TESK2: variants seen among roughly 807,000 people sequenced by gnomAD.
The protein encoded by TESK2 is dual specificity testis-specific protein kinase 2.
Under a neutral mutation model 57.1 loss-of-function variants are expected in TESK2, and 39 were observed. The observed-to-expected ratio is 0.68, with a 90% CI of 0.53 to 0.89. TESK2 has a LOEUF of 0.89. TESK2 is among the 40% of genes least tolerant of loss of function. The probability of loss-of-function intolerance (pLI) is 0.00; values close to 1 mark genes in which losing one functional copy is unlikely to be tolerated. For missense variants in TESK2, 646 were observed against 732.1 expected, an observed-to-expected ratio of 0.88 and a Z score of 1.36; for synonymous variants, 249 against 267.9, an observed-to-expected ratio of 0.93 and a Z score of 0.69.
At chr1:45,355,705 G>A (rs980640410) in intron 4 of TESK2, among the ~76,000 whole-genome samples, 1 of 152,154 alleles carries the variant, frequency 6.6e-6, no homozygotes, top group Non-Finnish European at 1.5e-5. Flanking sequence ...GTGCAGGTAG[G>A]ACAACACCAT....
chr1:45,413,593 C>G (rs1557563299), intron 3 of TESK2, among the ~76,000 whole-genome samples: 1 of 151,988 alleles, frequency 6.6e-6, no homozygotes, highest in Non-Finnish European at 1.5e-5. Context: ...TTCTTTCTTT[C>G]TTTCCTTCAT....
chr1:45,389,573 G>C (rs539658622), intron 3 of TESK2, among the ~76,000 whole-genome samples: 9 of 152,150 alleles, frequency 5.9e-5, no homozygotes, highest in Non-Finnish European at 8.8e-5. Context: ...CTCCATAACT[G>C]TAAGAAATAG....
At chr1:45,381,238 A>C (rs896690077) in intron 4 of TESK2, among the ~76,000 whole-genome samples, 1 of 152,204 alleles carries the variant, frequency 6.6e-6, no homozygotes, top group Non-Finnish European at 1.5e-5. Context: ...TGATCTGCTG[A>C]CTGGGATATT....
intron 2 of TESK2, among the ~76,000 whole-genome samples, chr1:45,443,568 CAAAAAAAA>C (rs34128016): frequency 3.2e-3 from 102 of 32,042 alleles, no homozygotes; most frequent in African/African-American, 5.2e-3. Context: ...AGATCCATCG[CAAAAAAAA>C]AAAAAAAAAA....
At chr1:45,402,718 G>T (rs2492836) in intron 3 of TESK2, among the ~76,000 whole-genome samples, 98,600 of 151,700 alleles carry the variant, frequency 0.65, 33,717 homozygotes, top group Non-Finnish European at 0.76. Flanking sequence ...CCGACTTCAG[G>T]TGATCCGCCC....
chr1:45,392,911 T>C (rs923448625), intron 3 of TESK2, among the ~76,000 whole-genome samples: 1 of 152,156 alleles, frequency 6.6e-6, no homozygotes, highest in Non-Finnish European at 1.5e-5. Flanking sequence ...AAATGTTTCG[T>C]ACACAAGTTG....
chr1:45,434,518 T>C (rs1691217), intron 2 of TESK2, among the ~76,000 whole-genome samples: 32,086 of 151,296 alleles, frequency 0.21, 3,665 homozygotes, highest in Non-Finnish European at 0.26. Flanking sequence ...CCATTCTAAA[T>C]GAGATAAGAT....
chr1:45,472,867 G>C (rs1301235312), intron 1 of TESK2, among the ~76,000 whole-genome samples: 4 of 151,910 alleles, frequency 2.6e-5, no homozygotes, highest in Non-Finnish European at 5.9e-5. Flanking sequence ...GCCGGGCGCG[G>C]TGGCTTACGC....
At chr1:45,475,367 T>C (rs1223130351) in intron 1 of TESK2, among the ~76,000 whole-genome samples, 1 of 151,922 alleles carries the variant, frequency 6.6e-6, no homozygotes, top group Non-Finnish European at 1.5e-5. Context: ...CCACCACGCC[T>C]GGCTAATTTT....
intron 3 of TESK2, among the ~76,000 whole-genome samples, chr1:45,416,500 C>G (rs1339361417): frequency 6.6e-6 from 1 of 152,024 alleles, no homozygotes; most frequent in African/African-American, 2.4e-5. Flanking sequence ...TAAATGTATA[C>G]AGTGTAGAAT....
In TESK2 at chr1:45,365,996, AC is replaced by A. The variant is rs980180339; in HGVS notation, c.394-10548del. Among the ~76,000 whole-genome samples, 44 of 152,008 alleles carry A rather than the reference AC, an allele frequency of 2.9e-4. 1 individual carries two copies. The highest frequency in any genetic ancestry group is 9.9e-4 in the African/African-American group (41 of 41,466). On this transcript the variant is annotated intron_variant, in intron 4 of 10. Transcript: ENST00000372086. Reference sequence around the variant, plus strand: ...GCCTAATTTTGTATTTTTAGTAGAGACGGGGTTTCACCATGTTGGCCAGGCT... The same window carrying A: ...GCCTAATTTTGTATTTTTAGTAGAGAGGGGTTTCACCATGTTGGCCAGGCT...
Position 45,355,289 on chromosome 1 carries a change from T to C in TESK2, c.540+14A>G, listed in dbSNP as rs1204054155. 4 of 1,613,148 alleles carry C rather than the reference T, an allele frequency of 2.5e-6. No homozygotes were observed. Among genetic ancestry groups the C allele is most frequent in the Admixed American group, 1.7e-5 (1 of 59,820 alleles). On this transcript the variant is annotated intron_variant, in intron 5 of 10. Transcript: ENST00000372086. ...GGTATCTCTCAATGAGTTGTGAGAGTAAAGCCTTCATACCTTAGATGTGAG... is the reference window on the plus strand; with the variant it reads ...GGTATCTCTCAATGAGTTGTGAGAGCAAAGCCTTCATACCTTAGATGTGAG...
intron 5 of TESK2, among the ~76,000 whole-genome samples, chr1:45,354,855 C>G (rs576443711): frequency 7.8e-6 from 1 of 127,768 alleles, no homozygotes; most frequent in African/African-American, 3.0e-5. Flanking sequence ...TATATGTTGG[C>G]TCACTCAGCA....
intron 2 of TESK2, among the ~76,000 whole-genome samples, chr1:45,439,267 G>A (rs950968099): frequency 6.6e-6 from 1 of 152,204 alleles, no homozygotes; most frequent in East Asian, 1.9e-4. Context: ...CCATGAATGC[G>A]AATGAATCAA....
chr1:45,370,889 G>A (rs1648151378), intron 4 of TESK2, among the ~76,000 whole-genome samples: 1 of 152,006 alleles, frequency 6.6e-6, no homozygotes, highest in African/African-American at 2.4e-5. Context: ...TTTTTTCAGG[G>A]AGAAACAAAA....
At chr1:45,460,677 C>G (rs1324616585) in intron 1 of TESK2, among the ~76,000 whole-genome samples, 1 of 152,106 alleles carries the variant, frequency 6.6e-6, no homozygotes, top group African/African-American at 2.4e-5. Flanking sequence ...CCTCAGCTAC[C>G]TGTGTAGCTG....
intron 4 of TESK2, among the ~76,000 whole-genome samples, chr1:45,372,352 C>A (rs1385971610): frequency 6.7e-6 from 1 of 150,350 alleles, no homozygotes; most frequent in Non-Finnish European, 1.5e-5. Context: ...CCGAGGCAGG[C>A]AGATCACCTG....
At chr1:45,447,085 A>T (rs1030869216) in intron 2 of TESK2, among the ~76,000 whole-genome samples, 2 of 152,072 alleles carry the variant, frequency 1.3e-5, no homozygotes, top group African/African-American at 4.8e-5. Flanking sequence ...CAGGCACGGT[A>T]ATATGCTAGT....
intron 1 of TESK2, among the ~76,000 whole-genome samples, chr1:45,479,100 C>T (rs1440644928): frequency 6.6e-6 from 1 of 152,100 alleles, no homozygotes; most frequent in Non-Finnish European, 1.5e-5. Flanking sequence ...TTTTCCAATT[C>T]TTCCTTAATG....
Sources: allele counts gnomAD v4.1 joint callset (sites outside exome capture counted in the v4.1 genomes callset), GRCh38; gene constraint gnomAD v4.1.1; transcripts MANE v1.5; gene names NCBI Gene and HGNC (gene_info 2026-07-23, HGNC 2026-07-21).